The following CEP72 variants were observed in gnomAD, a reference collection of about 807,000 sequenced individuals.
CEP72 encodes the protein centrosomal protein of 72 kDa.
CEP72 carries 78 observed loss-of-function variants against 65.7 expected under a neutral mutation model. The ratio of observed to expected loss-of-function variants is 1.19; its 90% CI spans 0.99 to 1.43. CEP72 has a LOEUF of 1.43. Ranked by LOEUF, CEP72 falls within the 40% of genes most tolerant of loss-of-function variation. CEP72 has a pLI of 0.00. For synonymous variants in CEP72, 358 were observed against 351.7 expected (o/e 1.02, Z -0.20); for missense variants, 914 against 832.9 (o/e 1.10, Z -1.20).
chr5:648,898 G>A (rs1738668956), intron 11 of CEP72, among the ~76,000 whole-genome samples: 1 of 121,154 alleles, frequency 8.3e-6, no homozygotes, highest in South Asian at 3.1e-4. Flanking sequence ...TGTGAGGCGT[G>A]GACTGTGAGG....
rs1244960801 is a variant in CEP72 at position 644,396 on chromosome 5, C to T, written c.1637C>T (p.Thr546Ile). The T allele has an allele frequency of 3.1e-6, 5 of 1,613,818 alleles. No homozygotes were observed. Among genetic ancestry groups the T allele is most frequent in the Non-Finnish European group, 4.2e-6 (5 of 1,179,952 alleles). ...SMKKEVKSAD[T>I]AATLNLQIAG... Reference sequence around the variant, plus strand: ...AAAAAGGAAGTGAAGAGTGCAGACACTGCAGCCACGTTAAATTTGCAGATC... The same window carrying T: ...AAAAAGGAAGTGAAGAGTGCAGACATTGCAGCCACGTTAAATTTGCAGATC... Residue 546 changes from threonine (T) to isoleucine (I), a missense_variant, in exon 10 of 12, where the codon ACT becomes ATT. Coordinates refer to ENST00000264935, the MANE Select transcript of CEP72 (RefSeq NM_018140.4).
intron 2 of CEP72, among the ~76,000 whole-genome samples, chr5:619,637 G>A (rs146763482): frequency 9.2e-5 from 14 of 152,330 alleles, no homozygotes; most frequent in African/African-American, 2.6e-4. Flanking sequence ...ACACCAGCTC[G>A]GGAGTCTGCT....
chr5:661,871 G>A (rs991175245), downstream of CEP72: 1 of 152,374 alleles, frequency 6.6e-6, no homozygotes, highest in Non-Finnish European at 1.5e-5. Context: ...GTGCTCTCCT[G>A]GCTCCCGCAT....
At chr5:667,715 A>G (rs986159392), downstream of CEP72, among the ~76,000 whole-genome samples, 2 of 151,530 alleles carry the variant, frequency 1.3e-5, no homozygotes, top group African/African-American at 4.9e-5. Flanking sequence ...AAAAAAATCC[A>G]TGTGAAAAGA....
chr5:647,294 C>T (rs747837760), intron 10 of CEP72, among the ~76,000 whole-genome samples: 3 of 152,250 alleles, frequency 2.0e-5, no homozygotes, highest in Non-Finnish European at 4.4e-5. Flanking sequence ...CTCTCTTCTC[C>T]TCTTGTGCTG....
chr5:651,117 C>A (rs533802376), intron 11 of CEP72, among the ~76,000 whole-genome samples: 24 of 50,360 alleles, frequency 4.8e-4, no homozygotes, highest in African/African-American at 6.9e-4. Flanking sequence ...TGAGGTGTGA[C>A]TGTGAGGCGT....
intron 2 of CEP72, among the ~76,000 whole-genome samples, chr5:619,712 G>T (rs1161560685): frequency 6.6e-6 from 1 of 152,208 alleles, no homozygotes; most frequent in Non-Finnish European, 1.5e-5. Flanking sequence ...CCGTTCCCAG[G>T]CCTCAGCTTT....
At chr5:668,095 C>G (rs57968741), downstream of CEP72, among the ~76,000 whole-genome samples, 5 of 60,810 alleles carry the variant, frequency 8.2e-5, no homozygotes, top group Non-Finnish European at 5.9e-5. Flanking sequence ...CCGCGTGGGC[C>G]CCATCAGGGA....
intron 1 of CEP72, chr5:612,679 A>T (rs975189516): frequency 1.4e-4 from 123 of 893,020 alleles, no homozygotes; most frequent in Non-Finnish European, 1.6e-4. Context: ...CTGCCTGTCT[A>T]TCGGGTCACT....
chr5:641,032 A>G, intron 9 of CEP72: 4 of 985,448 alleles, frequency 4.1e-6, no homozygotes, highest in Non-Finnish European at 4.8e-6. Context: ...CCCCAAAACC[A>G]GCAGCTGAAA....
the CEP72 span, among the ~76,000 whole-genome samples, chr5:674,991 G>C: frequency 4.1e-5 from 6 of 146,106 alleles, no homozygotes; most frequent in South Asian, 1.4e-3. Context: ...ATCTGTGGCC[G>C]GGGGAGCAGT....
rs745783733 is a variant in CEP72 at position 639,119 on chromosome 5, G to A, written c.1237G>A (p.Gly413Arg). The A allele has an allele frequency of 1.2e-5, 20 of 1,613,124 alleles. No individual in the cohort carries two copies. Among genetic ancestry groups the A allele is most frequent in the South Asian group, 3.3e-5 (3 of 91,066 alleles). ...PSPGSHSALP[G>R]KKTALQAALL... ...TCCCGGGTCACACTCGGCTCTACCC[G>A]GGAAGAAGACGGCCCTGCAGGCGGC... Residue 413 changes from glycine to arginine, a missense_variant, in exon 8 of 12, where the codon GGG (glycine) becomes AGG (arginine). Coordinates refer to ENST00000264935, the MANE Select transcript of CEP72 (RefSeq NM_018140.4).
chr5:649,051 G>A, intron 11 of CEP72, among the ~76,000 whole-genome samples: 1 of 148,068 alleles, frequency 6.8e-6, no homozygotes, highest in South Asian at 2.2e-4. Flanking sequence ...ACTGTGAGGT[G>A]TGACTGTGAG....
At chr5:639,042 A>G in intron 7 of CEP72, 47 bp from the exon 8 acceptor site, 1 of 1,610,104 alleles carries the variant, frequency 6.2e-7, no homozygotes, top group Non-Finnish European at 8.5e-7. Flanking sequence ...GGCATTCAGG[A>G]CCTCAGTTAC....
chr5:668,357 G>A (rs1580076610), downstream of CEP72, among the ~76,000 whole-genome samples: 1 of 108,156 alleles, frequency 9.2e-6, no homozygotes, highest in Non-Finnish European at 1.8e-5. Context: ...GTGCGGACAA[G>A]CACACTGGAG....
chr5:618,503 G>A lies in CEP72; in HGVS notation c.83-487G>A, dbSNP rs557077160. Among the ~76,000 whole-genome samples, 6 of 152,368 alleles carry A rather than the reference G, an allele frequency of 3.9e-5. No individual in the cohort carries two copies. In the South Asian group the frequency reaches 1.2e-3, roughly 32 times the overall value. On this transcript the variant is annotated intron_variant, in intron 1 of 11. Transcript: ENST00000264935. ...GAATGACCCTTGTCAGGCACAGTGAGGAAGGCTTTATTCAGAACCATTGAG... is the reference window on the plus strand; with the variant it reads ...GAATGACCCTTGTCAGGCACAGTGAAGAAGGCTTTATTCAGAACCATTGAG...
intron 6 of CEP72, among the ~76,000 whole-genome samples, chr5:636,809 C>CAA (rs76828125): frequency 1.8e-4 from 10 of 54,442 alleles, no homozygotes; most frequent in African/African-American, 5.1e-4. Flanking sequence ...GACTCCAACT[C>CAA]AAAAAAAAAA....
At chr5:665,207 C>T in exon 3 of CEP72, 2 of 1,613,904 alleles carry the variant, frequency 1.2e-6, no homozygotes, top group East Asian at 2.2e-5. Context: ...TGCCCTTGCC[C>T]TTGCCAGAGG....
At chr5:628,414 T>C (rs1037123143) in intron 4 of CEP72, among the ~76,000 whole-genome samples, 2 of 151,178 alleles carry the variant, frequency 1.3e-5, no homozygotes, top group African/African-American at 4.9e-5. Context: ...AGAACTCAGG[T>C]CACAGGCCCC....
Sources: gnomAD v4.1 joint callset for allele counts (sites outside exome capture counted in the v4.1 genomes callset) on GRCh38, gnomAD v4.1.1 for gene constraint, MANE v1.5 for transcripts, NCBI Gene and HGNC (gene_info 2026-07-23, HGNC 2026-07-21) for gene names.